PLEKHG3: variants seen among roughly 807,000 people sequenced by gnomAD.
The protein encoded by PLEKHG3 is pleckstrin homology and RhoGEF domain containing G3.
A neutral mutation model predicts 94.9 loss-of-function variants in PLEKHG3; 62 were observed. That is an observed-to-expected ratio of 0.65 (90% CI 0.53 to 0.81). PLEKHG3 has a LOEUF of 0.81. Among genes scored for constraint, PLEKHG3 ranks in the 30% least tolerant of loss-of-function variants. PLEKHG3 has a pLI of 0.00. For synonymous variants in PLEKHG3, 614 were observed against 654.0 expected, an observed-to-expected ratio of 0.94 and a Z score of 0.93; for missense variants, 1,461 against 1,619.3, an observed-to-expected ratio of 0.90 and a Z score of 1.68.
chr14:64,725,550 G>C lies in PLEKHG3; in HGVS notation c.-39-2043G>C, dbSNP rs1445666008. The stretch of plus-strand genomic sequence containing the variant: ...CTGTAAAAGGCATAGCTGATTAATT[G>C]TAAAGGCCCTTTTGAGGAGGGAGGA... On this transcript the variant is annotated intron_variant, in intron 1 of 16. Transcript: ENST00000247226. This position sits in a 1 kb window ranked among gnomAD's most constrained non-coding sequence, Gnocchi z 5.0. 6.6e-6 allele frequency among the ~76,000 whole-genome samples: 1 copy of C among 152,190 alleles called. No homozygotes were observed. The highest frequency in any genetic ancestry group is 1.5e-5 in the Non-Finnish European group (1 of 68,026).
intron 1 of PLEKHG3, among the ~76,000 whole-genome samples, chr14:64,713,095 T>G (rs573588711): frequency 6.6e-6 from 1 of 152,348 alleles, no homozygotes; most frequent in African/African-American, 2.4e-5. Context: ...ATTATCAACC[T>G]GAATTATTTT....
chr14:64,743,067 G>C lies in PLEKHG3; in HGVS notation c.3024G>C (p.Gly1008=). 6.2e-7 allele frequency: 1 copy of C among 1,613,320 alleles called. No homozygotes were observed. Among genetic ancestry groups the C allele is most frequent in the Non-Finnish European group, 8.5e-7 (1 of 1,180,014 alleles). ...GCCCTCCCAAGCCCTCCTCGGCTGG[G>C]GAGATGTCACCACAGCGTTTCTTCT... ...EHSPPKPSSA[G]EMSPQRFFFN... Residue 1008 remains glycine, a synonymous_variant, in exon 17 of 17, where the codon GGG becomes GGC. Transcript: ENST00000247226. The surrounding 1 kb of genome is among the most constrained non-coding windows in gnomAD (Gnocchi z 7.2).
rs2081260785 is a variant in PLEKHG3, at chr14:64,721,460, A to T, written c.-39-6133A>T. 2.6e-5 allele frequency among the ~76,000 whole-genome samples: 4 copies of T among 152,172 alleles called. No homozygotes were observed. The highest frequency in any genetic ancestry group is 2.6e-4 in the Admixed American group (4 of 15,282). On this transcript the variant is annotated intron_variant, in intron 1 of 16. Coordinates refer to ENST00000247226, the MANE Select transcript of PLEKHG3 (RefSeq NM_001308147.2). The surrounding 1 kb of genome is among the most constrained non-coding windows in gnomAD (Gnocchi z 4.3). ...CAACACAATCCTTTTCCTTCCTGGC[A>T]GCTGTGGTCCTGCTGCAAGGGACCC...
Position 64,732,207 on chromosome 14 carries a change from G to C in PLEKHG3, c.1212+26G>C. The C allele has an allele frequency of 2.5e-6, 4 of 1,584,562 alleles. No homozygotes were observed. Among genetic ancestry groups the C allele is most frequent in the Non-Finnish European group, 3.5e-6 (4 of 1,153,122 alleles). ...GTGAGTTCCCCCAGCTCCTGACTGT[G>C]TGCAAGGAGAATGTGCTCCTCTGAG... On this transcript the variant is annotated intron_variant, in intron 10 of 16. Transcript: ENST00000247226. The surrounding 1 kb of genome is among the most constrained non-coding windows in gnomAD (Gnocchi z 4.9).
intron 1 of PLEKHG3, among the ~76,000 whole-genome samples, chr14:64,706,976 G>A (rs1282571067): frequency 2.6e-5 from 4 of 152,208 alleles, no homozygotes; most frequent in Admixed American, 6.5e-5. Context: ...AGGGACTCTG[G>A]GAGGGTGTTG....
rs1479882976 is a variant in PLEKHG3 at position 64,748,830 on chromosome 14, C to T, written c.*5127C>T. The T allele has an allele frequency of 1.2e-5, 2 of 166,964 alleles. No homozygotes were observed. The highest frequency in any genetic ancestry group is 6.3e-5 in the Admixed American group (1 of 15,836). The allele number at this position is 166,964 out of a possible 1,614,324, so 10.3% of individuals were successfully genotyped here. A position where few individuals can be genotyped will look rare whatever the true frequency, so the allele number is the denominator to read the frequency against. On this transcript the variant is annotated 3_prime_UTR_variant, in exon 17 of 17. Transcript: ENST00000247226. ...GCTGGCCATGCATTTCCAGTGTCTT[C>T]TTCCTTTCCCCTTTCCCTGGCTGCC...
rs1222561671 is a variant in PLEKHG3 at position 64,728,271 on chromosome 14, CAT to C, written c.351+290_351+291del. Among the ~76,000 whole-genome samples, 6 of 152,246 alleles carry C rather than the reference CAT, an allele frequency of 3.9e-5. No individual in the cohort carries two copies. Among genetic ancestry groups the C allele is most frequent in the African/African-American group, 1.4e-4 (6 of 41,466 alleles). ...CCACAGAGACTGAATGGAGTGAAGA[CAT>C]GGGCTCTGGGCCTGGCCCCATGCAT... is the stretch of plus-strand genomic sequence containing the variant. On this transcript the variant is annotated intron_variant, in intron 2 of 16. Transcript: ENST00000247226. This position sits in a 1 kb window ranked among gnomAD's most constrained non-coding sequence, Gnocchi z 5.9.
In PLEKHG3 at chr14:64,738,306, C is replaced by T. The variant is rs951177753; in HGVS notation, c.1405-436C>T. On this transcript the variant is annotated intron_variant, in intron 14 of 16. Transcript: ENST00000247226. This position sits in a 1 kb window ranked among gnomAD's most constrained non-coding sequence, Gnocchi z 4.8. ...CCACCCGAGGGCCCCCTCTGCTGCC[C>T]TCCTCACCCCACCCTGCCCTGGTTT... is the stretch of plus-strand genomic sequence containing the variant. 1.2e-6 allele frequency: 1 copy of T among 832,078 alleles called. No individual in the cohort carries two copies. Among genetic ancestry groups the T allele is most frequent in the Non-Finnish European group, 1.7e-6 (1 of 587,834 alleles). 51.5% of individuals were successfully genotyped at this position (832,078 alleles called of 1,614,324 possible).
chr14:64,730,471 G>A lies in PLEKHG3; in HGVS notation c.519+159G>A, dbSNP rs554840778. Among the ~76,000 whole-genome samples the A allele has an allele frequency of 1.7e-4, 26 of 152,190 alleles. No individual in the cohort carries two copies. The highest frequency in any genetic ancestry group is 2.6e-4 in the Admixed American group (4 of 15,286). On this transcript the variant is annotated intron_variant, in intron 4 of 16. Coordinates refer to ENST00000247226, the MANE Select transcript of PLEKHG3 (RefSeq NM_001308147.2). This position sits in a 1 kb window ranked among gnomAD's most constrained non-coding sequence, Gnocchi z 5.4. ...GAGAAGGGTGTTCTGAGGGGAGCCA[G>A]GGCTGCTGGGTGGATGGGATGTCCT...
In PLEKHG3 at chr14:64,720,609, T is replaced by C. The variant is rs2081246419; in HGVS notation, c.-39-6984T>C. ...ATTGTCCAGAAGAGATGCATGTACA[T>C]ATCAAGCCCCAAGACCAATGCTTTA... On this transcript the variant is annotated intron_variant, in intron 1 of 16. Transcript: ENST00000247226. The surrounding 1 kb of genome is among the most constrained non-coding windows in gnomAD (Gnocchi z 4.1). Among the ~76,000 whole-genome samples, 1 of 152,196 alleles carries C rather than the reference T, an allele frequency of 6.6e-6. No homozygotes were observed.
chr14:64,729,580 G>GA (rs1252877194), intron 3 of PLEKHG3, among the ~76,000 whole-genome samples: 1 of 152,196 alleles, frequency 6.6e-6, no homozygotes, highest in Non-Finnish European at 1.5e-5. Context: ...AAAGGCATGG[G>GA]TCTCCTGCCT....
At position 64,730,177 on chromosome 14, in the gene PLEKHG3, A is replaced by G; in HGVS notation, c.450-66A>G. On this transcript the variant is annotated intron_variant, in intron 3 of 16. Coordinates refer to ENST00000247226, the MANE Select transcript of PLEKHG3 (RefSeq NM_001308147.2). This position sits in a 1 kb window ranked among gnomAD's most constrained non-coding sequence, Gnocchi z 5.4. The stretch of plus-strand genomic sequence containing the variant: ...TCAGTCAGGGTTTGGGAGGTTGGGG[A>G]GGGGGCAGTGAGGGGCATTGTCCTC... 1.2e-6 allele frequency: 1 copy of G among 847,746 alleles called. No homozygotes were observed. Among genetic ancestry groups the G allele is most frequent in the Non-Finnish European group, 1.9e-6 (1 of 520,888 alleles). 52.5% of individuals were successfully genotyped at this position (847,746 alleles called of 1,614,324 possible). A position where few individuals can be genotyped will look rare whatever the true frequency, so the allele number is the denominator to read the frequency against.
At position 64,715,451 on chromosome 14, in the gene PLEKHG3, C is replaced by T. The variant is rs1030270482; in HGVS notation, c.-40+10747C>T. ...TGTTTTGCCTTATGTCTGGTATACT[C>T]GAATAAATGCTAGCTGAGGTTATTT... On this transcript the variant is annotated intron_variant, in intron 1 of 16. Coordinates refer to ENST00000247226, the MANE Select transcript of PLEKHG3 (RefSeq NM_001308147.2). The surrounding 1 kb of genome is among the most constrained non-coding windows in gnomAD (Gnocchi z 4.4). Among the ~76,000 whole-genome samples the T allele has an allele frequency of 3.3e-5, 5 of 152,090 alleles. No homozygotes were observed. Among genetic ancestry groups the T allele is most frequent in the Admixed American group, 6.5e-5 (1 of 15,270 alleles).
chr14:64,722,609 C>T lies in PLEKHG3; in HGVS notation c.-39-4984C>T, dbSNP rs1324986454. On this transcript the variant is annotated intron_variant, in intron 1 of 16. Transcript: ENST00000247226. This position sits in a 1 kb window ranked among gnomAD's most constrained non-coding sequence, Gnocchi z 4.3. ...CTGCCCCATGGGGACCCTCCTTGCT[C>T]GTTTTCTGCCTGGCTCCAAAGCAGC... Among the ~76,000 whole-genome samples the T allele has an allele frequency of 6.6e-6, 1 of 152,180 alleles. No homozygotes were observed. The highest frequency in any genetic ancestry group is 2.4e-5 in the African/African-American group (1 of 41,444).
At position 64,730,843 on chromosome 14, in the gene PLEKHG3, C is replaced by T; in HGVS notation, c.611C>T (p.Ala204Val). The change falls in exon 6 of 17, where the codon GCC (alanine) becomes GTC (valine). Residue 204 changes from alanine (A) to valine (V), a missense_variant. Ala to Val is a moderately conservative substitution (Grantham distance 64). Coordinates refer to ENST00000247226, the MANE Select transcript of PLEKHG3 (RefSeq NM_001308147.2). The surrounding 1 kb of genome is among the most constrained non-coding windows in gnomAD (Gnocchi z 5.4). Reference sequence around the variant, plus strand: ...GAATGCATGCGGGACAAGCAGCAGGCCAAGTTCTTTCGGGACCGGCAGGAG... The same window carrying T: ...GAATGCATGCGGGACAAGCAGCAGGTCAAGTTCTTTCGGGACCGGCAGGAG... ...LTECMRDKQQ[A>V]KFFRDRQELL... 6.2e-7 allele frequency: 1 copy of T among 1,613,572 alleles called. No individual in the cohort carries two copies. Among genetic ancestry groups the T allele is most frequent in the Non-Finnish European group, 8.5e-7 (1 of 1,180,014 alleles).
Position 64,720,591 on chromosome 14 carries a change from A to T in PLEKHG3, c.-39-7002A>T, listed in dbSNP as rs533671289. Among the ~76,000 whole-genome samples, 12 of 152,348 alleles carry T rather than the reference A, an allele frequency of 7.9e-5. No homozygotes were observed. The highest frequency in any genetic ancestry group is 2.6e-4 in the African/African-American group (11 of 41,584). On this transcript the variant is annotated intron_variant, in intron 1 of 16. Coordinates refer to ENST00000247226, the MANE Select transcript of PLEKHG3 (RefSeq NM_001308147.2). The surrounding 1 kb of genome is among the most constrained non-coding windows in gnomAD (Gnocchi z 4.1). Reference sequence around the variant, plus strand: ...CCCACTGGGTTTTACTGTATTGTCCAGAAGAGATGCATGTACATATCAAGC... The same window carrying T: ...CCCACTGGGTTTTACTGTATTGTCCTGAAGAGATGCATGTACATATCAAGC...
rs968693953 is a variant in PLEKHG3 at position 64,750,190 on chromosome 14, T to C, written c.*6487T>C. ...GCAGACAGGCAGGTCACCCACATCC[T>C]GATATGGTATCTCTAGAGTCAATTC... On this transcript the variant is annotated 3_prime_UTR_variant, in exon 17 of 17. Transcript: ENST00000247226. 9 of 1,602,572 alleles carry C rather than the reference T, an allele frequency of 5.6e-6. No individual in the cohort carries two copies. Among genetic ancestry groups the C allele is most frequent in the Non-Finnish European group, 6.8e-6 (8 of 1,171,622 alleles).
intron 1 of PLEKHG3, among the ~76,000 whole-genome samples, chr14:64,705,445 G>A (rs553468985): frequency 2.0e-4 from 31 of 152,352 alleles, no homozygotes; most frequent in Non-Finnish European, 3.8e-4. Flanking sequence ...GGCTGGAGAG[G>A]TGTGGCTTTT....
chr14:64,739,743 C>T lies in PLEKHG3; in HGVS notation c.1518+888C>T, dbSNP rs1176737938. Among the ~76,000 whole-genome samples the T allele has an allele frequency of 6.6e-6, 1 of 152,218 alleles. No individual in the cohort carries two copies. The highest frequency in any genetic ancestry group is 2.1e-4 in the South Asian group (1 of 4,834). On this transcript the variant is annotated intron_variant, in intron 15 of 16. Coordinates refer to ENST00000247226, the MANE Select transcript of PLEKHG3 (RefSeq NM_001308147.2). The surrounding 1 kb of genome is among the most constrained non-coding windows in gnomAD (Gnocchi z 4.1). ...AGATGGTGGCTTCTTGCTGTGTCCTCACATGGCAAAGGGGCAAGGAAGCTC... is the reference window on the plus strand; with the variant it reads ...AGATGGTGGCTTCTTGCTGTGTCCTTACATGGCAAAGGGGCAAGGAAGCTC...
Sources: allele counts gnomAD v4.1 joint callset (sites outside exome capture counted in the v4.1 genomes callset), GRCh38; gene constraint gnomAD v4.1.1; non-coding constraint Gnocchi (gnomAD v3.1); transcripts MANE v1.5; gene names NCBI Gene and HGNC (gene_info 2026-07-23, HGNC 2026-07-21).